Variants in MEI1 observed in about 807,000 individuals in gnomAD.
MEI1 encodes the protein meiosis inhibitor protein 1.
MEI1 carries 103 observed loss-of-function variants against 146.2 expected under a neutral mutation model. The ratio of observed to expected loss-of-function variants is 0.70; its 90% CI spans 0.60 to 0.83. The LOEUF is 0.83. Ranked by LOEUF, MEI1 falls within the 40% of genes least tolerant of loss-of-function variation. The pLI is 0.00. For missense variants in MEI1, 1,529 were observed against 1,533.0 expected (o/e 1.00, Z 0.04); for synonymous variants, 652 against 628.2 (o/e 1.04, Z -0.57).
In MEI1 at chr22:41,713,999, C is replaced by G; in HGVS notation, c.350-3C>G. The G allele has an allele frequency of 1.3e-6, 2 of 1,581,802 alleles. No individual in the cohort carries two copies. Among genetic ancestry groups the G allele is most frequent in the Non-Finnish European group, 1.7e-6 (2 of 1,163,580 alleles). ...GGTTAGTAATACTGTTGTGTCTGTTCAGTCCTTATTCAGATCACAACGCAG... is the reference window on the plus strand; with the variant it reads ...GGTTAGTAATACTGTTGTGTCTGTTGAGTCCTTATTCAGATCACAACGCAG... On this transcript the variant is annotated splice_polypyrimidine_tract_variant and splice_region_variant and intron_variant, in intron 3 of 30. Transcript: ENST00000401548.
chr22:41,699,798 G>A, intron 1 of MEI1, 86 bp downstream of exon 1: 1 of 1,431,246 alleles, frequency 7.0e-7, no homozygotes, highest in East Asian at 2.5e-5. Flanking sequence ...GACCCGCTCC[G>A]GTGAACCCGA....
rs1446007630 is a variant in MEI1 at position 41,781,781 on chromosome 22, T to G, written c.3023T>G (p.Leu1008Arg). The change falls in exon 24 of 31, where the codon CTC (leucine) becomes CGC (arginine). Residue 1008 changes from leucine (L) to arginine (R), a missense_variant. Transcript: ENST00000401548. The stretch of plus-strand genomic sequence containing the variant: ...AAGGCAGATTCTCCCAGGACTGCAC[T>G]CCTCTGCTCTGCCTGGCTGCTCACT... ...LAKADSPRTA[L>R]LCSAWLLTAS... The G allele has an allele frequency of 6.2e-7, 1 of 1,613,844 alleles. No individual in the cohort carries two copies. Among genetic ancestry groups the G allele is most frequent in the Non-Finnish European group, 8.5e-7 (1 of 1,179,902 alleles).
At chr22:41,745,681 G>C (rs2073230817) in intron 13 of MEI1, among the ~76,000 whole-genome samples, 1 of 152,094 alleles carries the variant, frequency 6.6e-6, no homozygotes, top group Non-Finnish European at 1.5e-5. Context: ...GTTGGGGGAG[G>C]GGGTAGGGAG....
intron 15 of MEI1, among the ~76,000 whole-genome samples, chr22:41,749,861 AACT>A (rs2073627157): frequency 1.3e-5 from 2 of 150,942 alleles, no homozygotes; most frequent in African/African-American, 4.9e-5. Flanking sequence ...TGGTGTGTTT[AACT>A]GAGAGAAGGC....
chr22:41,726,075 C>T (rs1205116043), intron 7 of MEI1, among the ~76,000 whole-genome samples: 4 of 152,018 alleles, frequency 2.6e-5, no homozygotes, highest in Admixed American at 6.6e-5. Flanking sequence ...GTCAGGAGTT[C>T]GAGACCAGCC....
At chr22:41,730,461 G>A in intron 8 of MEI1, 60 bp from the exon 9 acceptor site, 1 of 1,172,366 alleles carries the variant, frequency 8.5e-7, no homozygotes, top group East Asian at 2.3e-5. Flanking sequence ...CTTAGCATCA[G>A]TTAAGGGATC....
At chr22:41,768,185 C>T (rs2074969680) in intron 19 of MEI1, among the ~76,000 whole-genome samples, 1 of 152,132 alleles carries the variant, frequency 6.6e-6, no homozygotes, top group Non-Finnish European at 1.5e-5. Flanking sequence ...AGTTTGAGAG[C>T]AGCCTGGGCA....
chr22:41,788,144 C>T (rs1267325050), intron 26 of MEI1, among the ~76,000 whole-genome samples: 2 of 151,834 alleles, frequency 1.3e-5, no homozygotes, highest in Non-Finnish European at 2.9e-5. Context: ...ATTCTCCTGC[C>T]TCAGCCTCCC....
At chr22:41,785,381 G>A (rs908357071) in intron 26 of MEI1, among the ~76,000 whole-genome samples, 2 of 151,774 alleles carry the variant, frequency 1.3e-5, no homozygotes, top group Admixed American at 6.6e-5. Context: ...TCCTGCCTCA[G>A]CCTCCCGAGT....
At chr22:41,724,548 G>A (rs931306710) in intron 7 of MEI1, among the ~76,000 whole-genome samples, 1 of 151,564 alleles carries the variant, frequency 6.6e-6, no homozygotes, top group Non-Finnish European at 1.5e-5. Flanking sequence ...AATCTGGGAG[G>A]CGGAGGTTGC....
chr22:41,755,851 A>T (rs1412317188), intron 17 of MEI1, among the ~76,000 whole-genome samples: 1 of 152,122 alleles, frequency 6.6e-6, no homozygotes, highest in East Asian at 1.9e-4. Context: ...CTGCTACCAA[A>T]TTGCTGTGGG....
chr22:41,713,621 T>TCC (rs2069813823), intron 3 of MEI1, among the ~76,000 whole-genome samples: 1 of 152,220 alleles, frequency 6.6e-6, no homozygotes, highest in Non-Finnish European at 1.5e-5. Context: ...CGATCTTGGC[T>TCC]CACTACAACC....
chr22:41,781,606 A>G (rs924197976), intron 23 of MEI1, 79 bp from the exon 24 acceptor site: 15 of 1,484,880 alleles, frequency 1.0e-5, no homozygotes, highest in Non-Finnish European at 1.4e-5. Context: ...AGCCCCAATC[A>G]GGTGCTAAGC....
chr22:41,751,884 A>T (rs528704427), intron 15 of MEI1, among the ~76,000 whole-genome samples: 1 of 152,166 alleles, frequency 6.6e-6, no homozygotes, highest in African/African-American at 2.4e-5. Flanking sequence ...ATCCTGGCCA[A>T]CATGGTGAAA....
At chr22:41,743,321 T>A in intron 12 of MEI1, 127 bp downstream of exon 12, 1 of 609,174 alleles carries the variant, frequency 1.6e-6, no homozygotes, top group Non-Finnish European at 2.9e-6. Context: ...ATGGCTACAA[T>A]GAGATGCTTT....
chr22:41,740,086 C>G (rs996049683), intron 11 of MEI1, among the ~76,000 whole-genome samples: 1 of 151,820 alleles, frequency 6.6e-6, no homozygotes, highest in African/African-American at 2.4e-5. Context: ...GTGGCTCGAT[C>G]TCGGTTCACC....
chr22:41,741,961 GAGAAA>G (rs943354794), intron 11 of MEI1, among the ~76,000 whole-genome samples: 3 of 131,672 alleles, frequency 2.3e-5, no homozygotes, highest in Non-Finnish European at 4.7e-5. Flanking sequence ...AAAAAAAAAA[GAGAAA>G]AGAAAGTTCT....
At chr22:41,743,221 C>T (rs373169858) in intron 12 of MEI1, 27 bp downstream of exon 12, 64 of 1,496,062 alleles carry the variant, frequency 4.3e-5, no homozygotes, top group Non-Finnish European at 5.4e-5. Flanking sequence ...CTGCTGCTTC[C>T]GAAGATCATG....
At chr22:41,712,246 T>A (rs2069645408) in intron 3 of MEI1, among the ~76,000 whole-genome samples, 1 of 144,734 alleles carries the variant, frequency 6.9e-6, no homozygotes, top group Non-Finnish European at 1.5e-5. Flanking sequence ...TGTTTGTTTG[T>A]TTCTTTGATA....
Sources: gnomAD v4.1 joint callset for allele counts (sites outside exome capture counted in the v4.1 genomes callset) on GRCh38, gnomAD v4.1.1 for gene constraint, MANE v1.5 for transcripts, NCBI Gene and HGNC (gene_info 2026-07-23, HGNC 2026-07-21) for gene names.